The following DDAH1 variants were observed in gnomAD, a reference collection of about 807,000 sequenced individuals.
DDAH1 encodes dimethylarginine dimethylaminohydrolase 1, also known as N(G),N(G)-dimethylarginine dimethylaminohydrolase 1.
DDAH1 carries 19 observed loss-of-function variants against 28.8 expected under a neutral mutation model. The observed-to-expected ratio is 0.66, with a 90% CI of 0.46 to 0.97. The LOEUF (loss-of-function observed/expected upper bound fraction) is 0.97, where lower values mean the gene tolerates loss of function less well. Ranked by LOEUF, DDAH1 falls within the 50% of genes least tolerant of loss-of-function variation. The pLI is 0.00. For synonymous variants in DDAH1, 153 were observed against 154.4 expected, an observed-to-expected ratio of 0.99 and a Z score of 0.07; for missense variants, 326 against 375.9, an observed-to-expected ratio of 0.87 and a Z score of 1.10.
intron 1 of DDAH1, among the ~76,000 whole-genome samples, chr1:85,461,173 A>G (rs1490706848): frequency 6.6e-6 from 1 of 152,198 alleles, no homozygotes; most frequent in Non-Finnish European, 1.5e-5. Context: ...GGAGTCATGT[A>G]AAATTTGATA....
exon 1 of DDAH1, chr1:85,578,067 G>C (rs1030868066): frequency 1.0e-6 from 1 of 959,326 alleles, no homozygotes; most frequent in Non-Finnish European, 1.2e-6. Flanking sequence ...GAAGGCGACG[G>C]GAGGCTGGGG....
intron 1 of DDAH1, among the ~76,000 whole-genome samples, chr1:85,430,327 T>C (rs1301142339): frequency 2.0e-5 from 3 of 152,178 alleles, no homozygotes; most frequent in African/African-American, 7.2e-5. Context: ...TGAAGTCAGG[T>C]AGTGTGATGC....
intron 1 of DDAH1, among the ~76,000 whole-genome samples, chr1:85,425,481 C>T (rs1253000571): frequency 1.3e-5 from 2 of 152,120 alleles, no homozygotes; most frequent in African/African-American, 4.8e-5. Context: ...CCAATACAAA[C>T]ATAAAATATC....
intron 1 of DDAH1, among the ~76,000 whole-genome samples, chr1:85,503,392 G>A (rs1054565375): frequency 5.3e-5 from 8 of 152,224 alleles, no homozygotes. Context: ...GTAGAAACGG[G>A]TTTTCACCAT....
chr1:85,415,172 G>T (rs995853125), intron 1 of DDAH1, among the ~76,000 whole-genome samples: 3 of 151,672 alleles, frequency 2.0e-5, no homozygotes, highest in Admixed American at 1.3e-4. Flanking sequence ...CTGACACCAC[G>T]CCCGGCTAAT....
rs902487128 is a variant in DDAH1 at position 85,508,202 on chromosome 1, C to A, written c.-122-11921G>T. On this transcript the variant is annotated intron_variant, in intron 1 of 6. Transcript: ENST00000426972. Reference sequence around the variant, plus strand: ...GCAATAATCTTTTACTATTAAAGATCCTTGCCTGAATCGATTATTTCATTG... The same window carrying A: ...GCAATAATCTTTTACTATTAAAGATACTTGCCTGAATCGATTATTTCATTG... Among the ~76,000 whole-genome samples the A allele has an allele frequency of 3.3e-5, 5 of 152,186 alleles. No individual in the cohort carries two copies. In the East Asian group the frequency reaches 9.6e-4, roughly 29 times the overall value.
intron 1 of DDAH1, among the ~76,000 whole-genome samples, chr1:85,415,991 A>T (rs1471367183): frequency 6.6e-6 from 1 of 152,146 alleles, no homozygotes; most frequent in African/African-American, 2.4e-5. Flanking sequence ...TACTTATATA[A>T]ATTATATCAT....
At chr1:85,377,712 C>T (rs78200919) in intron 1 of DDAH1, among the ~76,000 whole-genome samples, 16,370 of 139,992 alleles carry the variant, frequency 0.12, 1,185 homozygotes, top group Admixed American at 0.19. Flanking sequence ...TCCCCCTCAT[C>T]CCCCCACCCC....
chr1:85,404,266 T>C (rs1255832023), intron 1 of DDAH1: 2 of 947,546 alleles, frequency 2.1e-6, no homozygotes, highest in Admixed American at 5.2e-5. Context: ...TCTTAGAAGA[T>C]GCCACCAGTT....
At chr1:85,455,254 A>T (rs1654834699) in intron 1 of DDAH1, among the ~76,000 whole-genome samples, 1 of 152,226 alleles carries the variant, frequency 6.6e-6, no homozygotes, top group Admixed American at 6.5e-5. Flanking sequence ...GACTGAAAAA[A>T]ATAATTAAAA....
At chr1:85,503,844 C>T (rs558824702) in intron 1 of DDAH1, among the ~76,000 whole-genome samples, 193 of 152,108 alleles carry the variant, frequency 1.3e-3, no homozygotes, top group African/African-American at 4.4e-3. Flanking sequence ...GGCTAAGTGG[C>T]AGGTGATGAT....
At chr1:85,431,572 C>T (rs541055000) in intron 1 of DDAH1, among the ~76,000 whole-genome samples, 1 of 151,722 alleles carries the variant, frequency 6.6e-6, no homozygotes, top group Admixed American at 6.6e-5. Context: ...CTCACCTCTA[C>T]CCCCTCCTCT....
intron 1 of DDAH1, among the ~76,000 whole-genome samples, chr1:85,450,855 T>C (rs986925962): frequency 6.6e-6 from 1 of 152,206 alleles, no homozygotes. Context: ...CAAATGCTAA[T>C]ATATGACTAG....
chr1:85,442,625 A>T (rs370318808), intron 1 of DDAH1, among the ~76,000 whole-genome samples: 253 of 152,322 alleles, frequency 1.7e-3, no homozygotes, highest in South Asian at 4.8e-3. Context: ...CAATGATTGA[A>T]CTAGTTTATA....
chr1:85,482,962 C>T (rs1413852805), intron 2 of DDAH1, among the ~76,000 whole-genome samples: 4 of 152,152 alleles, frequency 2.6e-5, no homozygotes, highest in Non-Finnish European at 4.4e-5. Flanking sequence ...TGGTGGCTCA[C>T]GCCTGTAATC....
chr1:85,380,275 C>T (rs908723987), intron 1 of DDAH1: 6 of 151,994 alleles, frequency 3.9e-5, no homozygotes, highest in Non-Finnish European at 7.4e-5. Context: ...GTAGATAATC[C>T]GGGTAAACAC....
At chr1:85,344,241 A>C (rs933749769) in intron 4 of DDAH1, among the ~76,000 whole-genome samples, 1 of 152,216 alleles carries the variant, frequency 6.6e-6, no homozygotes, top group East Asian at 1.9e-4. Flanking sequence ...ATTTATTGTG[A>C]TACAAAAGAA....
chr1:85,379,547 C>T, intron 1 of DDAH1: 7 of 975,874 alleles, frequency 7.2e-6, no homozygotes, highest in Non-Finnish European at 8.5e-6. Flanking sequence ...TTTACCATTT[C>T]TACAGAAAGG....
intron 1 of DDAH1, among the ~76,000 whole-genome samples, chr1:85,551,060 G>T (rs1298730725): frequency 6.6e-6 from 1 of 152,210 alleles, no homozygotes; most frequent in Non-Finnish European, 1.5e-5. Context: ...TCCACACAAT[G>T]TCAGGAAGGA....
Sources: allele counts gnomAD v4.1 joint callset (sites outside exome capture counted in the v4.1 genomes callset), GRCh38; gene constraint gnomAD v4.1.1; transcripts MANE v1.5; gene names NCBI Gene and HGNC (gene_info 2026-07-23, HGNC 2026-07-21).